Variants in WDPCP observed in about 807,000 individuals in gnomAD.
The protein encoded by WDPCP is WD repeat containing planar cell polarity effector, also known as WD repeat-containing and planar cell polarity effector protein fritz homolog.
In WDPCP, 71 loss-of-function variants were observed where a neutral mutation model predicts 93.1. The ratio of observed to expected loss-of-function variants is 0.76; its 90% CI spans 0.63 to 0.93. WDPCP has a LOEUF of 0.93. WDPCP is among the 40% of genes least tolerant of loss of function. The pLI, the probability that WDPCP is intolerant of heterozygous loss-of-function variation, is 0.00. For synonymous variants in WDPCP, 315 were observed against 315.0 expected (o/e 1.00, Z 0.00); for missense variants, 844 against 887.4 (o/e 0.95, Z 0.62).
At chr2:63,557,104 C>A (rs1431173004) in intron 1 of WDPCP, among the ~76,000 whole-genome samples, 1 of 152,142 alleles carries the variant, frequency 6.6e-6, no homozygotes, top group Non-Finnish European at 1.5e-5. Context: ...GAAGCAACTA[C>A]AACATGTCTG....
chr2:63,523,435 CA>C (rs1703088477), intron 1 of WDPCP, among the ~76,000 whole-genome samples: 1 of 152,138 alleles, frequency 6.6e-6, no homozygotes, highest in Non-Finnish European at 1.5e-5. Context: ...TTAAACATAG[CA>C]ATGGAAGTCA....
At chr2:63,783,641 G>T (rs554937868) in intron 2 of WDPCP, among the ~76,000 whole-genome samples, 2 of 152,030 alleles carry the variant, frequency 1.3e-5, no homozygotes, top group African/African-American at 4.8e-5. Context: ...TAGAACTGGA[G>T]GCCATTATCT....
chr2:63,797,247 C>T (rs1233490154), intron 2 of WDPCP, among the ~76,000 whole-genome samples: 2 of 152,030 alleles, frequency 1.3e-5, no homozygotes, highest in East Asian at 1.9e-4. Flanking sequence ...CAGGTGTAAC[C>T]CAGAATATTC....
intron 15 of WDPCP, among the ~76,000 whole-genome samples, chr2:63,165,570 G>A (rs1176532702): frequency 2.0e-5 from 3 of 151,672 alleles, no homozygotes; most frequent in African/African-American, 4.8e-5. Flanking sequence ...CTGGTCATCT[G>A]GGCCTTTTGC....
At chr2:63,211,898 G>A (rs1676847087) in intron 14 of WDPCP, among the ~76,000 whole-genome samples, 1 of 152,140 alleles carries the variant, frequency 6.6e-6, no homozygotes, top group Admixed American at 6.5e-5. Flanking sequence ...ATGAAATGGA[G>A]CGAGAAGAGA....
At chr2:63,465,959 C>T (rs1422761126) in intron 6 of WDPCP, among the ~76,000 whole-genome samples, 1 of 152,132 alleles carries the variant, frequency 6.6e-6, no homozygotes, top group East Asian at 1.9e-4. Context: ...AAATATCCTG[C>T]AGCATGCCTG....
At chr2:63,698,069 C>T (rs1246436801) in intron 2 of WDPCP, among the ~76,000 whole-genome samples, 2 of 152,074 alleles carry the variant, frequency 1.3e-5, no homozygotes, top group Admixed American at 1.3e-4. Flanking sequence ...GATTCTCGTG[C>T]CTCAGCCTCC....
At chr2:63,662,704 GGAGA>G (rs1308119379) in intron 2 of WDPCP, among the ~76,000 whole-genome samples, 1 of 151,870 alleles carries the variant, frequency 6.6e-6, no homozygotes, top group Non-Finnish European at 1.5e-5. Context: ...AATGTCTCCT[GGAGA>G]GAGGGGTAGG....
intron 2 of WDPCP, among the ~76,000 whole-genome samples, chr2:63,767,474 G>C (rs1670159898): frequency 1.3e-5 from 2 of 152,114 alleles, no homozygotes; most frequent in Admixed American, 6.6e-5. Flanking sequence ...TTGTATGAGA[G>C]TTCCTGTTGT....
At chr2:63,555,436 G>A (rs1044411600) in intron 1 of WDPCP, among the ~76,000 whole-genome samples, 9 of 152,170 alleles carry the variant, frequency 5.9e-5, no homozygotes, top group Non-Finnish European at 1.0e-4. Context: ...GAATCCAGGC[G>A]GTCCAGGCCA....
At chr2:63,608,932 G>C (rs1169092036) in intron 3 of WDPCP, among the ~76,000 whole-genome samples, 2 of 152,130 alleles carry the variant, frequency 1.3e-5, no homozygotes, top group Admixed American at 6.5e-5. Flanking sequence ...CATATAGAAT[G>C]AACAAAATTT....
chr2:63,597,856 G>A (rs1709347534), intron 3 of WDPCP: 1 of 207,344 alleles, frequency 4.8e-6, no homozygotes, highest in African/African-American at 2.3e-5. Flanking sequence ...GGATCTTCTG[G>A]TGCATTTTTG....
chr2:63,766,356 A>G (rs1670136363), intron 2 of WDPCP, among the ~76,000 whole-genome samples: 1 of 150,616 alleles, frequency 6.6e-6, no homozygotes, highest in South Asian at 2.1e-4. Flanking sequence ...TTTAGACAGG[A>G]TCTTGTGTTG....
chr2:63,531,647 GC>G (rs1354881613), intron 1 of WDPCP, among the ~76,000 whole-genome samples: 1 of 152,046 alleles, frequency 6.6e-6, no homozygotes, highest in Non-Finnish European at 1.5e-5. Context: ...AGGAAAACTA[GC>G]AAGCAGAAAA....
At chr2:63,213,032 A>T (rs549969424) in intron 14 of WDPCP, among the ~76,000 whole-genome samples, 2 of 152,246 alleles carry the variant, frequency 1.3e-5, no homozygotes, top group East Asian at 1.9e-4. Flanking sequence ...TGGGAGACTC[A>T]GACACCCCAC....
At chr2:63,277,359 T>C (rs1425435160) in intron 13 of WDPCP, among the ~76,000 whole-genome samples, 2 of 152,140 alleles carry the variant, frequency 1.3e-5, no homozygotes, top group African/African-American at 4.8e-5. Context: ...CACAAGGTAT[T>C]CAGGCAACAA....
intron 2 of WDPCP, among the ~76,000 whole-genome samples, chr2:63,765,002 A>G (rs950196854): frequency 3.3e-5 from 5 of 152,220 alleles, no homozygotes; most frequent in African/African-American, 1.2e-4. Flanking sequence ...TCCACTCAAC[A>G]AAGATGTGTG....
At chr2:63,630,017 G>A (rs1485313808) in intron 3 of WDPCP, among the ~76,000 whole-genome samples, 1 of 152,126 alleles carries the variant, frequency 6.6e-6, no homozygotes. Flanking sequence ...TTTAAAGGCA[G>A]CTATTATAAA....
At chr2:63,593,666 G>C, upstream of WDPCP, 2 of 471,508 alleles carry the variant, frequency 4.2e-6, no homozygotes, top group Non-Finnish European at 8.8e-6. Context: ...CATTTACCCA[G>C]CATTATCGGG....
Sources: gnomAD v4.1 joint callset for allele counts (sites outside exome capture counted in the v4.1 genomes callset) on GRCh38, gnomAD v4.1.1 for gene constraint, MANE v1.5 for transcripts, NCBI Gene and HGNC (gene_info 2026-07-23, HGNC 2026-07-21) for gene names.